MYLIP: variants seen among roughly 807,000 people sequenced by gnomAD.
MYLIP encodes the protein myosin regulatory light chain interacting protein.
Under a neutral mutation model 45.8 loss-of-function variants are expected in MYLIP, and 26 were observed. The observed-to-expected ratio is 0.57, with a 90% CI of 0.42 to 0.79. The LOEUF (loss-of-function observed/expected upper bound fraction) is 0.79, where lower values mean the gene tolerates loss of function less well. MYLIP is among the 30% of genes least tolerant of loss of function. MYLIP has a pLI of 0.00. For missense variants in MYLIP, 494 were observed against 555.6 expected, an observed-to-expected ratio of 0.89 and a Z score of 1.11; for synonymous variants, 213 against 218.1, an observed-to-expected ratio of 0.98 and a Z score of 0.21.
Position 16,129,204 on chromosome 6 carries a change from G to A in MYLIP, c.-119G>A. ...GGGGCCCCGGACAAGGGTCCGCAGA[G>A]CTGCAGCCTTCGAGGGCCAGCCCTC... On this transcript the variant is annotated 5_prime_UTR_variant, in exon 1 of 7. Coordinates refer to ENST00000356840, the MANE Select transcript of MYLIP (RefSeq NM_013262.4). This position sits in a 1 kb window ranked among gnomAD's most constrained non-coding sequence, Gnocchi z 5.1. The A allele has an allele frequency of 9.3e-7, 1 of 1,076,724 alleles. No homozygotes were observed. The highest frequency in any genetic ancestry group is 1.4e-5 in the South Asian group (1 of 69,382). The allele number at this position is 1,076,724 out of a possible 1,614,324, so 66.7% of individuals were successfully genotyped here. A position where few individuals can be genotyped will look rare whatever the true frequency, so the allele number is the denominator to read the frequency against.
downstream of MYLIP, among the ~76,000 whole-genome samples, chr6:16,150,957 C>A (rs929873089): frequency 2.6e-5 from 4 of 152,032 alleles, no homozygotes; most frequent in African/African-American, 9.7e-5. Flanking sequence ...TCAGACGCCC[C>A]ACAGGAGAGC....
chr6:16,150,152 T>C (rs1424601025), downstream of MYLIP, among the ~76,000 whole-genome samples: 1 of 152,032 alleles, frequency 6.6e-6, no homozygotes, highest in Non-Finnish European at 1.5e-5. Flanking sequence ...ACATCTAAAG[T>C]GAACAGCGAG....
chr6:16,151,348 C>G (rs531553450), downstream of MYLIP, among the ~76,000 whole-genome samples: 6 of 148,144 alleles, frequency 4.1e-5, no homozygotes, highest in Non-Finnish European at 8.9e-5. Context: ...CAGAGTGAGA[C>G]TCCATCTCAA....
chr6:16,143,394 G>A (rs1398775507), intron 4 of MYLIP, among the ~76,000 whole-genome samples, 177 bp downstream of exon 4: 1 of 152,102 alleles, frequency 6.6e-6, no homozygotes, highest in Non-Finnish European at 1.5e-5. Flanking sequence ...TGTTATTCAA[G>A]GTATACAATG....
intron 6 of MYLIP, 117 bp downstream of exon 6, chr6:16,145,434 C>T (rs1256327703): frequency 1.5e-5 from 18 of 1,170,536 alleles, no homozygotes; most frequent in Non-Finnish European, 1.9e-5. Context: ...CATCTTCACC[C>T]GGAAAGGGTC....
At chr6:16,158,738 C>A in the MYLIP span, among the ~76,000 whole-genome samples, 1 of 152,100 alleles carries the variant, frequency 6.6e-6, no homozygotes, top group Non-Finnish European at 1.5e-5. Flanking sequence ...CGCGTGGTGG[C>A]GGGCACCTGT....
rs1759814512 is a variant in MYLIP, at chr6:16,147,338, T to C, written c.*587T>C. On this transcript the variant is annotated 3_prime_UTR_variant, in exon 7 of 7. Coordinates refer to ENST00000356840, the MANE Select transcript of MYLIP (RefSeq NM_013262.4). ...GTGACTTTTAAAAAGTTGACAATGTTGTCAGATTTAAACCAGTGTGGCTAG... is the reference window on the plus strand; with the variant it reads ...GTGACTTTTAAAAAGTTGACAATGTCGTCAGATTTAAACCAGTGTGGCTAG... 2.0e-5 allele frequency: 3 copies of C among 153,572 alleles called. No homozygotes were observed. The highest frequency in any genetic ancestry group is 7.2e-5 in the African/African-American group (3 of 41,448). The allele number at this position is 153,572 out of a possible 1,614,324, so 9.5% of individuals were successfully genotyped here.
At chr6:16,154,233 AGTTG>A in the MYLIP span, among the ~76,000 whole-genome samples, 2 of 152,056 alleles carry the variant, frequency 1.3e-5, no homozygotes, top group African/African-American at 4.8e-5. Context: ...CGTCTCGAAT[AGTTG>A]CGACTACAGG....
At chr6:16,153,717 G>A in the MYLIP span, among the ~76,000 whole-genome samples, 8 of 152,170 alleles carry the variant, frequency 5.3e-5, no homozygotes, top group South Asian at 2.1e-4. Flanking sequence ...GAGAGAGCGC[G>A]AGAGCCAGGC....
chr6:16,146,586 C>T, intron 6 of MYLIP, 76 bp from the exon 7 acceptor site: 1 of 1,108,614 alleles, frequency 9.0e-7, no homozygotes, highest in Admixed American at 2.0e-5. Context: ...CACTAGAGAC[C>T]AGGGGTGTGC....
At chr6:16,150,902 T>C (rs142000468), downstream of MYLIP, among the ~76,000 whole-genome samples, 24 of 152,132 alleles carry the variant, frequency 1.6e-4, no homozygotes, top group African/African-American at 5.8e-4. Flanking sequence ...GCTGGGAAGT[T>C]CTGGGGGGAA....
intron 2 of MYLIP, among the ~76,000 whole-genome samples, chr6:16,132,911 T>A (rs555066722): frequency 6.6e-6 from 1 of 152,384 alleles, no homozygotes; most frequent in African/African-American, 2.4e-5. Context: ...GTGATTTTTT[T>A]ATTCTTTTCT....
intron 2 of MYLIP, 45 bp downstream of exon 2, chr6:16,130,792 CCCTTTAG>C: frequency 6.3e-7 from 1 of 1,576,464 alleles, no homozygotes; most frequent in Non-Finnish European, 8.7e-7. Flanking sequence ...ACCTTTGGTT[CCCTTTAG>C]AAGGGCCGCT....
chr6:16,149,845 G>C (rs546132402), downstream of MYLIP, among the ~76,000 whole-genome samples: 7 of 152,308 alleles, frequency 4.6e-5, no homozygotes, highest in East Asian at 1.4e-3. Context: ...TGAAAATCCT[G>C]TTTCTGACTT....
Position 16,129,224 on chromosome 6 carries a change from G to T in MYLIP, c.-99G>T. On this transcript the variant is annotated 5_prime_UTR_variant, in exon 1 of 7. Transcript: ENST00000356840. The surrounding 1 kb of genome is among the most constrained non-coding windows in gnomAD (Gnocchi z 5.1). Reference sequence around the variant, plus strand: ...GCAGAGCTGCAGCCTTCGAGGGCCAGCCCTCTCCGAGTCCGGGGCTGGGTC... The same window carrying T: ...GCAGAGCTGCAGCCTTCGAGGGCCATCCCTCTCCGAGTCCGGGGCTGGGTC... 1 of 1,303,506 alleles carries T rather than the reference G, an allele frequency of 7.7e-7. No individual in the cohort carries two copies. Among genetic ancestry groups the T allele is most frequent in the African/African-American group, 1.5e-5 (1 of 67,796 alleles). 80.7% of individuals were successfully genotyped at this position (1,303,506 alleles called of 1,614,324 possible).
chr6:16,145,511 C>T (rs1269878839), intron 6 of MYLIP, among the ~76,000 whole-genome samples, 194 bp downstream of exon 6: 1 of 152,172 alleles, frequency 6.6e-6, no homozygotes, highest in Non-Finnish European at 1.5e-5. Flanking sequence ...CTATTTTCAA[C>T]AACATAATTA....
chr6:16,130,852 G>A (rs2113505778), intron 2 of MYLIP, 105 bp downstream of exon 2: 5 of 1,143,770 alleles, frequency 4.4e-6, no homozygotes, highest in Non-Finnish European at 4.8e-6. Flanking sequence ...GTTTTGATGC[G>A]GAGTTCCATC....
rs558429708 is a variant in MYLIP at position 16,144,878 on chromosome 6, G to T, written c.828-19G>T. ...CAGGCTCTTTGGTGTTAAAGTAGAT[G>T]TTCAATCTTGCCTTGCAGGTGTGAC... On this transcript the variant is annotated intron_variant, in intron 5 of 6. Coordinates refer to ENST00000356840, the MANE Select transcript of MYLIP (RefSeq NM_013262.4). The T allele has an allele frequency of 6.3e-7, 1 of 1,598,172 alleles. No homozygotes were observed. The highest frequency in any genetic ancestry group is 2.2e-5 in the East Asian group (1 of 44,664).
rs1759400908 is a variant in MYLIP at position 16,129,186 on chromosome 6, C to G, written c.-137C>G. ...GACGCGAGTGGCGGCCGCGGGGCCC[C>G]GGACAAGGGTCCGCAGAGCTGCAGC... On this transcript the variant is annotated 5_prime_UTR_variant, in exon 1 of 7. Transcript: ENST00000356840. The surrounding 1 kb of genome is among the most constrained non-coding windows in gnomAD (Gnocchi z 5.1). 6.8e-6 allele frequency: 6 copies of G among 881,720 alleles called. No homozygotes were observed. Among genetic ancestry groups the G allele is most frequent in the Non-Finnish European group, 1.0e-5 (6 of 593,246 alleles). The allele number at this position is 881,720 out of a possible 1,614,324, so 54.6% of individuals were successfully genotyped here. A position where few individuals can be genotyped will look rare whatever the true frequency, so the allele number is the denominator to read the frequency against.
Sources: allele counts gnomAD v4.1 joint callset (sites outside exome capture counted in the v4.1 genomes callset), GRCh38; gene constraint gnomAD v4.1.1; non-coding constraint Gnocchi (gnomAD v3.1); transcripts MANE v1.5; gene names NCBI Gene and HGNC (gene_info 2026-07-23, HGNC 2026-07-21).